Variants in BLTP3B observed in about 807,000 individuals in gnomAD.
BLTP3B encodes bridge-like lipid transfer protein family member 3B.
At chr12:100,122,404 C>G in the BLTP3B span, among the ~76,000 whole-genome samples, 1 of 152,126 alleles carries the variant, frequency 6.6e-6, no homozygotes, top group East Asian at 1.9e-4. Flanking sequence ...ATAATCAAAC[C>G]TGTACAATTT....
chr12:100,127,094 G>A, the BLTP3B span, among the ~76,000 whole-genome samples: 1 of 151,948 alleles, frequency 6.6e-6, no homozygotes, highest in Non-Finnish European at 1.5e-5. Context: ...TTTTAAGGAG[G>A]TATAATCTAG....
the BLTP3B span, chr12:100,103,853 A>G: frequency 1.3e-5 from 17 of 1,320,640 alleles, no homozygotes; most frequent in Non-Finnish European, 1.7e-5. Context: ...TACTATGAAC[A>G]GAGTAGCTAG....
the BLTP3B span, among the ~76,000 whole-genome samples, chr12:100,108,963 A>T: frequency 2.6e-5 from 4 of 152,188 alleles, no homozygotes; most frequent in African/African-American, 7.2e-5. Flanking sequence ...GTACAAAAAT[A>T]CAATTAGGTA....
the BLTP3B span, among the ~76,000 whole-genome samples, chr12:100,068,561 C>A: frequency 6.6e-6 from 1 of 152,142 alleles, no homozygotes; most frequent in Non-Finnish European, 1.5e-5. Flanking sequence ...AGACAACCCA[C>A]AAAGTGGGAA....
chr12:100,092,960 C>G, the BLTP3B span: 1 of 985,304 alleles, frequency 1.0e-6, no homozygotes, highest in Non-Finnish European at 1.2e-6. Context: ...ACGGTACTAC[C>G]AACTGTCATT....
chr12:100,084,421 C>G, the BLTP3B span: 8 of 1,177,894 alleles, frequency 6.8e-6, no homozygotes, highest in Admixed American at 2.1e-5. Context: ...CACACACACA[C>G]ACACAGAGTG....
At chr12:100,072,408 G>C in the BLTP3B span, among the ~76,000 whole-genome samples, 1 of 152,000 alleles carries the variant, frequency 6.6e-6, no homozygotes, top group East Asian at 1.9e-4. Context: ...TACACAATAA[G>C]AATAAAGAAC....
At chr12:100,042,989 G>A in the BLTP3B span, among the ~76,000 whole-genome samples, 1 of 152,116 alleles carries the variant, frequency 6.6e-6, no homozygotes, top group Non-Finnish European at 1.5e-5. Flanking sequence ...TAACAGACAA[G>A]GGTTTCACCA....
the BLTP3B span, among the ~76,000 whole-genome samples, chr12:100,071,544 T>C: frequency 1.5e-5 from 2 of 131,110 alleles, no homozygotes; most frequent in East Asian, 2.2e-4. Flanking sequence ...ACTGAGACAA[T>C]AGCAGAGAGT....
the BLTP3B span, chr12:100,058,310 T>C: frequency 1.2e-6 from 2 of 1,613,808 alleles, no homozygotes; most frequent in African/African-American, 2.7e-5. Context: ...CAATTTCTCC[T>C]GAGCCACTTT....
chr12:100,060,325 C>T, the BLTP3B span, among the ~76,000 whole-genome samples: 1 of 152,134 alleles, frequency 6.6e-6, no homozygotes, highest in East Asian at 1.9e-4. Context: ...ATAAATTAAT[C>T]TAAAACTAAC....
chr12:100,043,382 GATCA>G, the BLTP3B span, among the ~76,000 whole-genome samples: 1 of 152,172 alleles, frequency 6.6e-6, no homozygotes, highest in Non-Finnish European at 1.5e-5. Flanking sequence ...CCTTGCCAAA[GATCA>G]ATGAATGTAA....
chr12:100,095,336 A>G, the BLTP3B span, among the ~76,000 whole-genome samples: 2 of 152,182 alleles, frequency 1.3e-5, no homozygotes, highest in Non-Finnish European at 2.9e-5. Flanking sequence ...TCTCTTGCCT[A>G]TAATTACCCA....
the BLTP3B span, chr12:100,097,616 A>G: frequency 1.7e-6 from 2 of 1,193,816 alleles, no homozygotes; most frequent in Non-Finnish European, 2.3e-6. Context: ...TTCACATGAC[A>G]TTTTAGATAT....
chr12:100,076,117 TAA>T, the BLTP3B span, among the ~76,000 whole-genome samples: 18 of 143,200 alleles, frequency 1.3e-4, no homozygotes, highest in East Asian at 1.8e-3. Context: ...AAGTTGAAAT[TAA>T]AAAAAAAAAA....
the BLTP3B span, chr12:100,072,959 T>C: frequency 1.2e-6 from 1 of 808,982 alleles, no homozygotes; most frequent in Non-Finnish European, 1.8e-6. Context: ...ATATTTAACT[T>C]CACATGGAAT....
the BLTP3B span, among the ~76,000 whole-genome samples, chr12:100,124,960 ATATATATATATATATATATT>A: frequency 4.5e-5 from 5 of 111,610 alleles, no homozygotes; most frequent in East Asian, 3.3e-4. Flanking sequence ...ATATATATAT[ATATATATATATATATATATT>A]TATATTTATT....
At chr12:100,063,667 T>C in the BLTP3B span, among the ~76,000 whole-genome samples, 4 of 147,342 alleles carry the variant, frequency 2.7e-5, no homozygotes, top group Non-Finnish European at 5.9e-5. Context: ...GATTGTGCCA[T>C]TGCACTCCAG....
At chr12:100,142,222 G>A in the BLTP3B span, among the ~76,000 whole-genome samples, 1,500 of 152,316 alleles carry the variant, frequency 9.8e-3, 11 homozygotes, top group Middle Eastern at 0.027. Context: ...TTAGAGCCCA[G>A]CACATTAACC....
Sources: gnomAD v4.1 joint callset for allele counts (sites outside exome capture counted in the v4.1 genomes callset) on GRCh38, gnomAD v4.1.1 for gene constraint, MANE v1.5 for transcripts, NCBI Gene and HGNC (gene_info 2026-07-23, HGNC 2026-07-21) for gene names.